FSTL5: variants seen among roughly 807,000 people sequenced by gnomAD.
FSTL5 encodes follistatin like 5.
A neutral mutation model predicts 89.1 loss-of-function variants in FSTL5; 62 were observed. The ratio of observed to expected loss-of-function variants is 0.70; its 90% confidence interval spans 0.57 to 0.86. The LOEUF (loss-of-function observed/expected upper bound fraction) is 0.86, where lower values mean the gene tolerates loss of function less well. FSTL5 is among the 40% of genes least tolerant of loss of function. The pLI, the probability that FSTL5 is intolerant of heterozygous loss-of-function variation, is 0.00. For missense variants in FSTL5, 1,057 were observed against 1,001.6 expected, an observed-to-expected ratio of 1.06 and a Z score of -0.75; for synonymous variants, 383 against 346.2, an observed-to-expected ratio of 1.11 and a Z score of -1.18.
chr4:161,965,573 T>C (rs1418952597), intron 3 of FSTL5, among the ~76,000 whole-genome samples: 1 of 152,082 alleles, frequency 6.6e-6, no homozygotes, highest in African/African-American at 2.4e-5. Flanking sequence ...TCATGTCTAG[T>C]AGAAATGAAC....
intron 6 of FSTL5, among the ~76,000 whole-genome samples, chr4:161,729,435 T>G (rs533223675): frequency 6.6e-6 from 1 of 152,252 alleles, no homozygotes; most frequent in African/African-American, 2.4e-5. Flanking sequence ...AGTTTTAAGC[T>G]TTACGGGTTT....
At chr4:162,158,381 T>G (rs1457786529) in intron 1 of FSTL5, among the ~76,000 whole-genome samples, 1 of 152,110 alleles carries the variant, frequency 6.6e-6, no homozygotes, top group African/African-American at 2.4e-5. Flanking sequence ...GGAAAACCCC[T>G]TAAGGTCTTT....
chr4:161,634,305 A>G (rs1308778795), intron 7 of FSTL5, among the ~76,000 whole-genome samples: 2 of 152,218 alleles, frequency 1.3e-5, no homozygotes, highest in Non-Finnish European at 2.9e-5. Flanking sequence ...AGAGCTGTTG[A>G]CTTTAAGGCA....
intron 7 of FSTL5, among the ~76,000 whole-genome samples, chr4:161,610,159 TA>T (rs1026488308): frequency 4.6e-4 from 68 of 146,974 alleles, no homozygotes; most frequent in Admixed American, 1.6e-3. Flanking sequence ...TTCTTGCTAG[TA>T]AAAAAAAAAG....
chr4:161,453,213 A>G lies in FSTL5; in HGVS notation c.1841+1791T>C, dbSNP rs1733232543. 2.0e-5 allele frequency among the ~76,000 whole-genome samples: 3 copies of G among 152,184 alleles called. No individual in the cohort carries two copies. In the South Asian group the frequency reaches 6.2e-4, roughly 32 times the overall value. On this transcript the variant is annotated intron_variant, in intron 15 of 15. Transcript: ENST00000306100. ...ACACACTAAAATTTTTCTCAAAGAA[A>G]TTGTATTAATAGTACATTTTTAAAA...
Position 161,867,349 on chromosome 4 carries a change from A to C in FSTL5, c.409+53055T>G, listed in dbSNP as rs377213079. Among the ~76,000 whole-genome samples the C allele has an allele frequency of 1.9e-4, 29 of 152,144 alleles. No homozygotes were observed. In the East Asian group the frequency reaches 3.3e-3, roughly 17 times the overall value. On this transcript the variant is annotated intron_variant, in intron 4 of 15. Transcript: ENST00000306100. Reference sequence around the variant, plus strand: ...TATATTTAATTTATCAGTATCTCAAATTACTAATTACTAATCAATTTAATA... The same window carrying C: ...TATATTTAATTTATCAGTATCTCAACTTACTAATTACTAATCAATTTAATA...
At chr4:161,945,323 A>G (rs1346948054) in intron 3 of FSTL5, among the ~76,000 whole-genome samples, 1 of 152,216 alleles carries the variant, frequency 6.6e-6, no homozygotes, top group African/African-American at 2.4e-5. Flanking sequence ...GTTGCATGCT[A>G]TAGTTGAGAA....
intron 2 of FSTL5, among the ~76,000 whole-genome samples, chr4:162,106,174 C>T (rs1731217915): frequency 6.6e-6 from 1 of 152,158 alleles, no homozygotes; most frequent in Admixed American, 6.5e-5. Flanking sequence ...CAGTAACTAC[C>T]TTTACAGATA....
At chr4:161,672,128 T>C (rs903913284) in intron 6 of FSTL5, among the ~76,000 whole-genome samples, 5 of 152,158 alleles carry the variant, frequency 3.3e-5, no homozygotes, top group Non-Finnish European at 5.9e-5. Context: ...TATTGTCAAC[T>C]CTTTGCCACG....
intron 2 of FSTL5, among the ~76,000 whole-genome samples, chr4:162,107,857 C>T (rs1364623347): frequency 6.6e-6 from 1 of 152,014 alleles, no homozygotes; most frequent in African/African-American, 2.4e-5. Flanking sequence ...TCTCTCTTGT[C>T]CTTGGTAAAG....
chr4:161,765,603 A>G (rs1166840229), intron 5 of FSTL5, among the ~76,000 whole-genome samples: 2 of 152,208 alleles, frequency 1.3e-5, no homozygotes, highest in Non-Finnish European at 2.9e-5. Flanking sequence ...GCTTGAAAAT[A>G]TACACTCTTA....
intron 2 of FSTL5, among the ~76,000 whole-genome samples, chr4:162,037,231 A>T (rs1737775827): frequency 6.6e-6 from 1 of 151,974 alleles, no homozygotes; most frequent in South Asian, 2.1e-4. Flanking sequence ...AAAGAAGACC[A>T]GTCTCTGTAA....
At chr4:162,064,705 AT>A (rs1560999442) in intron 2 of FSTL5, among the ~76,000 whole-genome samples, 1 of 151,972 alleles carries the variant, frequency 6.6e-6, no homozygotes, top group African/African-American at 2.4e-5. Context: ...CCAATTTCAT[AT>A]ATATACAAGC....
At chr4:161,575,294 T>C (rs1733170124) in intron 8 of FSTL5, among the ~76,000 whole-genome samples, 1 of 152,216 alleles carries the variant, frequency 6.6e-6, no homozygotes, top group African/African-American at 2.4e-5. Context: ...ATTCTGTAGG[T>C]TGCCTGTTCA....
At chr4:161,389,451 T>A (rs185390214) in intron 15 of FSTL5, among the ~76,000 whole-genome samples, 69 of 152,302 alleles carry the variant, frequency 4.5e-4, no homozygotes, top group African/African-American at 1.6e-3. Context: ...TTTCTGAATG[T>A]CTAATCAAAG....
At chr4:161,811,354 T>C (rs1296128051) in intron 4 of FSTL5, among the ~76,000 whole-genome samples, 1 of 152,200 alleles carries the variant, frequency 6.6e-6, no homozygotes, top group East Asian at 1.9e-4. Context: ...AAGATTATTT[T>C]ATAGTGATAT....
At chr4:162,076,490 C>T (rs1280079878) in intron 2 of FSTL5, among the ~76,000 whole-genome samples, 1 of 151,834 alleles carries the variant, frequency 6.6e-6, no homozygotes, top group Non-Finnish European at 1.5e-5. Context: ...CAGCTTATTT[C>T]AAAATTTGAT....
chr4:161,962,727 T>C (rs1190614357), intron 3 of FSTL5, among the ~76,000 whole-genome samples: 1 of 152,014 alleles, frequency 6.6e-6, no homozygotes, highest in Non-Finnish European at 1.5e-5. Flanking sequence ...AGTATAATTT[T>C]GCCACTGAGA....
chr4:161,504,453 C>T (rs1460579931), intron 11 of FSTL5, among the ~76,000 whole-genome samples: 2 of 150,706 alleles, frequency 1.3e-5, no homozygotes, highest in South Asian at 2.1e-4. Context: ...AGATCGGGAA[C>T]ATGTGCAGAT....
Sources: gnomAD v4.1 joint callset for allele counts (sites outside exome capture counted in the v4.1 genomes callset) on GRCh38, gnomAD v4.1.1 for gene constraint, MANE v1.5 for transcripts, NCBI Gene and HGNC (gene_info 2026-07-23, HGNC 2026-07-21) for gene names.